Variants in STPG2 observed in about 807,000 individuals in gnomAD.
STPG2 encodes the protein sperm tail PG-rich repeat containing 2, also known as sperm-tail PG-rich repeat-containing protein 2.
Under a neutral mutation model 54.2 loss-of-function variants are expected in STPG2, and 56 were observed. The observed-to-expected ratio is 1.03, with a 90% CI of 0.83 to 1.29. The LOEUF is 1.29. Among genes scored for constraint, STPG2 ranks in the 50% most tolerant of loss-of-function variants. STPG2 has a pLI of 0.00. For missense variants in STPG2, 596 were observed against 544.9 expected, an observed-to-expected ratio of 1.09 and a Z score of -0.93; for synonymous variants, 200 against 181.8, an observed-to-expected ratio of 1.10 and a Z score of -0.81.
intron 10 of STPG2, among the ~76,000 whole-genome samples, chr4:97,698,179 G>A (rs999385921): frequency 1.3e-5 from 2 of 152,074 alleles, no homozygotes; most frequent in Non-Finnish European, 2.9e-5. Context: ...TTTCTTGGTG[G>A]AGTGACTCAA....
intron 5 of STPG2, among the ~76,000 whole-genome samples, chr4:98,014,175 G>C (rs1463612690): frequency 6.6e-6 from 1 of 152,014 alleles, no homozygotes; most frequent in Non-Finnish European, 1.5e-5. Flanking sequence ...TTGTCTCTTT[G>C]TTCTCATTAG....
chr4:97,688,426 G>A (rs2054132461), intron 10 of STPG2, among the ~76,000 whole-genome samples: 1 of 152,120 alleles, frequency 6.6e-6, no homozygotes, highest in Admixed American at 6.5e-5. Context: ...GAGTACAGTA[G>A]CGCAATCTCG....
intron 9 of STPG2, among the ~76,000 whole-genome samples, chr4:97,774,323 C>A: frequency 6.6e-6 from 1 of 152,152 alleles, no homozygotes; most frequent in East Asian, 1.9e-4. Flanking sequence ...GACCTTCTTA[C>A]CATCTCTGGA....
intron 5 of STPG2, among the ~76,000 whole-genome samples, chr4:97,991,367 ATATATATATG>A (rs1453470287): frequency 6.6e-6 from 1 of 150,688 alleles, no homozygotes; most frequent in Non-Finnish European, 1.5e-5. Context: ...TGTGTGGTGT[ATATATATATG>A]TATATATATG....
intron 5 of STPG2, among the ~76,000 whole-genome samples, chr4:98,037,184 C>T (rs959161885): frequency 6.6e-6 from 1 of 151,976 alleles, no homozygotes; most frequent in African/African-American, 2.4e-5. Flanking sequence ...CTTATAAAAT[C>T]TTCATACCAA....
At chr4:98,049,031 T>C (rs1737231085) in intron 5 of STPG2, 1 of 152,220 alleles carries the variant, frequency 6.6e-6, no homozygotes, top group African/African-American at 2.4e-5. Flanking sequence ...TTGGTTTCAC[T>C]GGAAAAAATC....
intron 3 of STPG2, among the ~76,000 whole-genome samples, chr4:98,124,663 T>C (rs956373773): frequency 6.6e-6 from 1 of 152,142 alleles, no homozygotes; most frequent in Non-Finnish European, 1.5e-5. Flanking sequence ...GTCTTTGGGT[T>C]TATCTCATGT....
At chr4:97,736,895 C>A (rs1725018639) in intron 9 of STPG2, among the ~76,000 whole-genome samples, 1 of 152,226 alleles carries the variant, frequency 6.6e-6, no homozygotes, top group South Asian at 2.1e-4. Context: ...TGAGAATGGG[C>A]AGACTGCCTT....
chr4:98,070,680 T>C (rs1477759338), intron 5 of STPG2, among the ~76,000 whole-genome samples: 1 of 151,908 alleles, frequency 6.6e-6, no homozygotes, highest in East Asian at 1.9e-4. Context: ...GGATACAAAA[T>C]CAATGTGCAA....
intron 8 of STPG2, among the ~76,000 whole-genome samples, chr4:97,890,714 T>C (rs1400910247): frequency 2.0e-5 from 3 of 151,858 alleles, no homozygotes; most frequent in Non-Finnish European, 4.4e-5. Flanking sequence ...GAAAGGTAAA[T>C]GTCTGAAGTG....
downstream of STPG2, among the ~76,000 whole-genome samples, chr4:97,555,020 T>TA (rs1732046011): frequency 6.6e-6 from 1 of 152,174 alleles, no homozygotes; most frequent in South Asian, 2.1e-4. Flanking sequence ...ATCTATAAAG[T>TA]AAATATCCAT....
rs575140386 is a variant in STPG2 at position 97,716,403 on chromosome 4, G to A, written c.1205-3589C>T. On this transcript the variant is annotated intron_variant, in intron 9 of 10. Coordinates refer to ENST00000295268, the MANE Select transcript of STPG2 (RefSeq NM_174952.3). ...GCTATAAAGACACATGCACACGTAT[G>A]TTTATTGCAGCACTGTTCACAATAG... 4.6e-5 allele frequency among the ~76,000 whole-genome samples: 7 copies of A among 152,236 alleles called. No homozygotes were observed. In the South Asian group the frequency reaches 1.0e-3, roughly 23 times the overall value.
intron 9 of STPG2, among the ~76,000 whole-genome samples, chr4:97,778,836 T>G (rs1355783570): frequency 6.6e-6 from 1 of 152,146 alleles, no homozygotes; most frequent in East Asian, 1.9e-4. Flanking sequence ...GGAGTGGACC[T>G]CCAGCAAACT....
intron 9 of STPG2, among the ~76,000 whole-genome samples, chr4:97,779,119 C>CTTCA (rs1258261689): frequency 6.6e-6 from 1 of 152,044 alleles, no homozygotes; most frequent in Admixed American, 6.6e-5. Flanking sequence ...AGTCTTCAGA[C>CTTCA]GATCAAACTT....
chr4:98,075,784 G>T (rs1560667918), intron 5 of STPG2, among the ~76,000 whole-genome samples: 1 of 152,144 alleles, frequency 6.6e-6, no homozygotes, highest in African/African-American at 2.4e-5. Flanking sequence ...ATAAAATGCA[G>T]CTTCAAAAAT....
At chr4:98,132,685 A>G (rs2110166573) in intron 2 of STPG2, among the ~76,000 whole-genome samples, 1 of 152,164 alleles carries the variant, frequency 6.6e-6, no homozygotes, top group Non-Finnish European at 1.5e-5. Flanking sequence ...ATTAATCATT[A>G]TCAGAAAATA....
intron 10 of STPG2, among the ~76,000 whole-genome samples, chr4:97,561,601 A>G (rs545990720): frequency 6.6e-6 from 1 of 152,266 alleles, no homozygotes; most frequent in African/African-American, 2.4e-5. Flanking sequence ...TAAGTCTTTA[A>G]TCCATCTTGA....
At chr4:97,598,244 T>TA (rs1733353444) in intron 10 of STPG2, among the ~76,000 whole-genome samples, 1 of 151,616 alleles carries the variant, frequency 6.6e-6, no homozygotes, top group South Asian at 2.1e-4. Context: ...AGATGAAACA[T>TA]ACAAATGGAA....
chr4:97,918,880 A>T (rs955114656), intron 8 of STPG2, among the ~76,000 whole-genome samples: 2 of 152,202 alleles, frequency 1.3e-5, no homozygotes, highest in Non-Finnish European at 2.9e-5. Flanking sequence ...TGCTCGGGTG[A>T]TGGGTACACC....
Sources: allele counts gnomAD v4.1 joint callset (sites outside exome capture counted in the v4.1 genomes callset), GRCh38; gene constraint gnomAD v4.1.1; transcripts MANE v1.5; gene names NCBI Gene and HGNC (gene_info 2026-07-23, HGNC 2026-07-21).